ZBTB44: variants seen among roughly 807,000 people sequenced by gnomAD.
The protein encoded by ZBTB44 is zinc finger and BTB domain-containing protein 44.
Under a neutral mutation model 54.0 loss-of-function variants are expected in ZBTB44, and 15 were observed. The ratio of observed to expected loss-of-function variants is 0.28; its 90% CI spans 0.19 to 0.43. The LOEUF (loss-of-function observed/expected upper bound fraction) is 0.43. ZBTB44 is among the 20% of genes least tolerant of loss of function. ZBTB44 has a pLI of 1.00. For missense variants in ZBTB44, 487 were observed against 707.1 expected, an observed-to-expected ratio of 0.69 and a Z score of 3.53; for synonymous variants, 230 against 250.1, an observed-to-expected ratio of 0.92 and a Z score of 0.76.
In ZBTB44 at chr11:130,228,307, G is replaced by A. The variant is rs1953757964; in HGVS notation, c.*3457C>T. On this transcript the variant is annotated 3_prime_UTR_variant, in exon 8 of 8. Coordinates refer to ENST00000357899, the MANE Select transcript of ZBTB44 (RefSeq NM_001301098.2). ...TTGTACAAGGAAGAAAATGAATACAGTTTATGATCTTACTCCTTCCAAATA... is the reference window on the plus strand; with the variant it reads ...TTGTACAAGGAAGAAAATGAATACAATTTATGATCTTACTCCTTCCAAATA... 1 of 152,170 alleles carries A rather than the reference G, an allele frequency of 6.6e-6. No homozygotes were observed. The highest frequency in any genetic ancestry group is 2.1e-4 in the South Asian group (1 of 4,832). 9.4% of individuals were successfully genotyped at this position (152,170 alleles called of 1,614,324 possible).
intron 1 of ZBTB44, among the ~76,000 whole-genome samples, chr11:130,313,966 A>ATATATATTTTTT (rs1160244728): frequency 1.2e-4 from 14 of 116,234 alleles, no homozygotes; most frequent in African/African-American, 3.7e-4. Context: ...ATATATATAT[A>ATATATATTTTTT]TTTTTTTAAA....
At chr11:130,262,197 C>T (rs544220664) in intron 1 of ZBTB44, among the ~76,000 whole-genome samples, 2 of 152,068 alleles carry the variant, frequency 1.3e-5, no homozygotes, top group East Asian at 3.9e-4. Context: ...TGGAGTGCAG[C>T]GGGGTGGTCT....
At chr11:130,313,438 AACT>A (rs1014304144) in intron 1 of ZBTB44, among the ~76,000 whole-genome samples, 1 of 152,232 alleles carries the variant, frequency 6.6e-6, no homozygotes, top group African/African-American at 2.4e-5. Context: ...GATAAGGGGA[AACT>A]ACATTAGGTA....
At chr11:130,263,962 C>T (rs554868570) in intron 1 of ZBTB44, among the ~76,000 whole-genome samples, 4 of 152,294 alleles carry the variant, frequency 2.6e-5, no homozygotes, top group South Asian at 2.1e-4. Context: ...AAGGCCAAGA[C>T]GTATGCCTAC....
chr11:130,272,855 T>C (rs1456900988), intron 1 of ZBTB44, among the ~76,000 whole-genome samples: 2 of 152,202 alleles, frequency 1.3e-5, no homozygotes, highest in African/African-American at 4.8e-5. Context: ...GGCATCCTTG[T>C]TGGAAATCAG....
In ZBTB44 at chr11:130,227,072, C is replaced by T. The variant is rs1034749252; in HGVS notation, c.*4692G>A. 4.0e-5 allele frequency: 6 copies of T among 151,726 alleles called. No individual in the cohort carries two copies. The highest frequency in any genetic ancestry group is 8.8e-5 in the Non-Finnish European group (6 of 67,974). 9.4% of individuals were successfully genotyped at this position (151,726 alleles called of 1,614,324 possible). On this transcript the variant is annotated 3_prime_UTR_variant, in exon 8 of 8. Transcript: ENST00000357899. Reference sequence around the variant, plus strand: ...ACAATAACCCTAAAAATGATTGTAACGTTGAAACGGCACTTAGTTTACAAA... The same window carrying T: ...ACAATAACCCTAAAAATGATTGTAATGTTGAAACGGCACTTAGTTTACAAA...
At chr11:130,258,906 G>A (rs533042637) in intron 2 of ZBTB44, among the ~76,000 whole-genome samples, 1 of 152,212 alleles carries the variant, frequency 6.6e-6, no homozygotes, top group African/African-American at 2.4e-5. Context: ...AACACTTTGT[G>A]ATAAAAAATC....
rs1367704070 is a variant in ZBTB44, at chr11:130,314,840, G to A, written c.-522C>T. ...GGTTGGGAGGGAGCCGCCGCCGCGCGCGTGCGGCCGGCGCCGCCGCCGTTG... is the reference window on the plus strand; with the variant it reads ...GGTTGGGAGGGAGCCGCCGCCGCGCACGTGCGGCCGGCGCCGCCGCCGTTG... On this transcript the variant is annotated 5_prime_UTR_variant, in exon 1 of 8. Coordinates refer to ENST00000357899, the MANE Select transcript of ZBTB44 (RefSeq NM_001301098.2). Among the ~76,000 whole-genome samples, 3 of 144 alleles carry A rather than the reference G, an allele frequency of 0.021. No individual in the cohort carries two copies. The highest frequency in any genetic ancestry group is 0.048 in the African/African-American group (3 of 62). 0.1% of individuals were successfully genotyped at this position (144 alleles called of 152,430 possible). A position where few individuals can be genotyped will look rare whatever the true frequency, so the allele number is the denominator to read the frequency against.
rs1386120371 is a variant in ZBTB44, at chr11:130,239,907, G to C, written c.1019-11C>G. ...CTTCATCTACTGAGCCTGTGAATAA[G>C]AGAAAGAGGACCACTGTAATCCTTT... is the stretch of plus-strand genomic sequence containing the variant. On this transcript the variant is annotated splice_polypyrimidine_tract_variant and intron_variant, in intron 2 of 7. Coordinates refer to ENST00000357899, the MANE Select transcript of ZBTB44 (RefSeq NM_001301098.2). 1 of 1,600,748 alleles carries C rather than the reference G, an allele frequency of 6.2e-7. No individual in the cohort carries two copies. Among genetic ancestry groups the C allele is most frequent in the Non-Finnish European group, 8.5e-7 (1 of 1,171,326 alleles).
intron 5 of ZBTB44, chr11:130,236,198 G>A (rs1565642854): frequency 1.6e-6 from 2 of 1,286,176 alleles, no homozygotes; most frequent in Non-Finnish European, 2.0e-6. Flanking sequence ...AGATCTAGAA[G>A]CTGATTTCCT....
chr11:130,297,605 G>T (rs1941727501), intron 1 of ZBTB44, among the ~76,000 whole-genome samples: 1 of 152,124 alleles, frequency 6.6e-6, no homozygotes, highest in Non-Finnish European at 1.5e-5. Context: ...CGTATAAAGG[G>T]GACATTTGTA....
chr11:130,261,667 CTTG>C lies in ZBTB44; in HGVS notation c.204_206del (p.Asn68del). 6 of 1,614,056 alleles carry C rather than the reference CTTG, an allele frequency of 3.7e-6. No homozygotes were observed. Among genetic ancestry groups the C allele is most frequent in the Non-Finnish European group, 5.1e-6 (6 of 1,179,894 alleles). On this transcript the variant is annotated inframe_deletion, in exon 2 of 8. Coordinates refer to ENST00000357899, the MANE Select transcript of ZBTB44 (RefSeq NM_001301098.2). This position sits in a 1 kb window ranked among gnomAD's most constrained non-coding sequence, Gnocchi z 4.8. ...TAACATGATGCAGATCCAACACATTCTTGTTCTCATCCTCGGCTTGGCCTACAA... is the reference window on the plus strand; with the variant it reads ...TAACATGATGCAGATCCAACACATTCTTCTCATCCTCGGCTTGGCCTACAA...
intron 1 of ZBTB44, among the ~76,000 whole-genome samples, chr11:130,301,785 A>G: frequency 6.6e-6 from 1 of 152,184 alleles, no homozygotes; most frequent in South Asian, 2.1e-4. Flanking sequence ...GCAGTGGCTC[A>G]TGCCTGTGAT....
chr11:130,248,453 C>T (rs1051132795), intron 2 of ZBTB44, among the ~76,000 whole-genome samples: 1 of 151,888 alleles, frequency 6.6e-6, no homozygotes, highest in Admixed American at 6.6e-5. Flanking sequence ...CCAGCCTGGC[C>T]AACATGGTGA....
intron 1 of ZBTB44, among the ~76,000 whole-genome samples, chr11:130,284,584 G>A (rs1042540567): frequency 5.3e-5 from 8 of 152,120 alleles, no homozygotes; most frequent in Admixed American, 5.2e-4. Flanking sequence ...AAAAAGCACT[G>A]TTGGCCAAGC....
At chr11:130,263,157 T>C (rs1480837665) in intron 1 of ZBTB44, among the ~76,000 whole-genome samples, 1 of 152,204 alleles carries the variant, frequency 6.6e-6, no homozygotes, top group Admixed American at 6.5e-5. Context: ...AAGGCATAAA[T>C]CTCTGTTCCA....
rs1399779288 is a variant in ZBTB44, at chr11:130,284,556, G to C, written c.-56-22627C>G. 2.6e-5 allele frequency among the ~76,000 whole-genome samples: 4 copies of C among 152,234 alleles called. No individual in the cohort carries two copies. In the South Asian group the frequency reaches 6.2e-4, roughly 24 times the overall value. Reference sequence around the variant, plus strand: ...GGAGCACAGATGACTTGGTTCTTAAGAGTCCACTACTTTGTACAAAAAGCA... The same window carrying C: ...GGAGCACAGATGACTTGGTTCTTAACAGTCCACTACTTTGTACAAAAAGCA... On this transcript the variant is annotated intron_variant, in intron 1 of 7. Coordinates refer to ENST00000357899, the MANE Select transcript of ZBTB44 (RefSeq NM_001301098.2).
chr11:130,269,316 CTCTG>C (rs1360930718), intron 1 of ZBTB44, among the ~76,000 whole-genome samples: 1 of 151,876 alleles, frequency 6.6e-6, no homozygotes, highest in African/African-American at 2.4e-5. Flanking sequence ...TCTCATTTAT[CTCTG>C]TGTGTAGATG....
Position 130,296,599 on chromosome 11 carries a change from A to G in ZBTB44, c.-57+17776T>C, listed in dbSNP as rs1233817391. 10 of 890,062 alleles carry G rather than the reference A, an allele frequency of 1.1e-5. No individual in the cohort carries two copies. The African/African-American group carries it at 1.1e-4, about 10-fold the overall frequency. The allele number at this position is 890,062 out of a possible 1,614,324, so 55.1% of individuals were successfully genotyped here. A position where few individuals can be genotyped will look rare whatever the true frequency, so the allele number is the denominator to read the frequency against. On this transcript the variant is annotated intron_variant, in intron 1 of 7. Coordinates refer to ENST00000357899, the MANE Select transcript of ZBTB44 (RefSeq NM_001301098.2). Reference sequence around the variant, plus strand: ...TTCATCGTGTAGGTAGAACAGCCAGAGGCCTAAATGGGAGAAGACATGCCT... The same window carrying G: ...TTCATCGTGTAGGTAGAACAGCCAGGGGCCTAAATGGGAGAAGACATGCCT...
Sources: gnomAD v4.1 joint callset for allele counts (sites outside exome capture counted in the v4.1 genomes callset) on GRCh38, gnomAD v4.1.1 for gene constraint, Gnocchi (gnomAD v3.1) non-coding constraint, MANE v1.5 for transcripts, NCBI Gene and HGNC (gene_info 2026-07-23, HGNC 2026-07-21) for gene names.